Variants in INTS7 observed in about 807,000 individuals in gnomAD.
INTS7 encodes the protein integrator complex subunit 7.
Under a neutral mutation model 109.2 loss-of-function variants are expected in INTS7, and 46 were observed. The ratio of observed to expected loss-of-function variants is 0.42; its 90% CI spans 0.33 to 0.54. The LOEUF is 0.54. INTS7 is among the 20% of genes least tolerant of loss of function. The pLI, the probability that INTS7 is intolerant of heterozygous loss-of-function variation, is 0.07. For missense variants in INTS7, 929 were observed against 1,132.4 expected (o/e 0.82, Z 2.58); for synonymous variants, 412 against 402.9 (o/e 1.02, Z -0.27).
intron 1 of INTS7, among the ~76,000 whole-genome samples, chr1:212,021,847 C>CA (rs1317389561): frequency 4.0e-5 from 6 of 151,616 alleles, no homozygotes; most frequent in African/African-American, 1.2e-4. Context: ...GACCCCATCT[C>CA]AAAAAAAATT....
At chr1:211,979,762 TCAAA>T (rs1664572290) in intron 10 of INTS7, among the ~76,000 whole-genome samples, 1 of 152,210 alleles carries the variant, frequency 6.6e-6, no homozygotes, top group Admixed American at 6.5e-5. Context: ...GTCATTGGGC[TCAAA>T]CAATCTTTCC....
intron 16 of INTS7, 71 bp downstream of exon 16, chr1:211,966,359 T>C: frequency 1.1e-6 from 1 of 871,860 alleles, no homozygotes; most frequent in Non-Finnish European, 1.9e-6. Context: ...CAAAATAGTC[T>C]TCTGATGATT....
intron 10 of INTS7, among the ~76,000 whole-genome samples, chr1:211,979,490 A>C (rs533810996): frequency 6.6e-6 from 1 of 152,376 alleles, no homozygotes; most frequent in Non-Finnish European, 1.5e-5. Flanking sequence ...AAACAAATGT[A>C]TATATAAGTC....
intron 1 of INTS7, chr1:212,031,020 G>C (rs1667137147): frequency 6.6e-6 from 1 of 152,134 alleles, no homozygotes; most frequent in Non-Finnish European, 1.5e-5. Context: ...TTTTCATTAA[G>C]CACACCATCA....
intron 1 of INTS7, among the ~76,000 whole-genome samples, chr1:212,028,871 T>G (rs1045030905): frequency 3.3e-5 from 5 of 152,174 alleles, no homozygotes; most frequent in African/African-American, 1.2e-4. Flanking sequence ...CTAAGCAATT[T>G]GCGTAAGAAA....
Position 211,976,677 on chromosome 1 carries a change from A to G in INTS7, c.1513T>C (p.Leu505=). ...ATTACTGCCTTACTTTCCACAGACA[A>G]TGCCTTCTGACTTGCAACAAAAATC... ...TVIFVASQKA[L]SVESKAVIKQ... Residue 505 remains leucine, a synonymous_variant, in exon 12 of 20, where the codon TTG becomes CTG. Transcript: ENST00000366994. 1 of 1,613,964 alleles carries G rather than the reference A, an allele frequency of 6.2e-7. No individual in the cohort carries two copies. The highest frequency in any genetic ancestry group is 8.5e-7 in the Non-Finnish European group (1 of 1,179,850).
At chr1:212,026,720 C>T (rs1666939054) in intron 1 of INTS7, among the ~76,000 whole-genome samples, 1 of 152,138 alleles carries the variant, frequency 6.6e-6, no homozygotes, top group East Asian at 1.9e-4. Flanking sequence ...AAAAAATCCA[C>T]AGTAATTGGA....
rs771587547 is a variant in INTS7, at chr1:211,968,714, A to G, written c.1816-7T>C. 2.0e-3 allele frequency: 1,194 copies of G among 610,624 alleles called. No homozygotes were observed. Among genetic ancestry groups the G allele is most frequent in the South Asian group, 6.1e-3 (182 of 29,632 alleles). The allele number at this position is 610,624 out of a possible 1,614,324, so 37.8% of individuals were successfully genotyped here. ...TCAGTGGTGTACTAGCTGCCTGGGA[A>G]AAAAAAAAAAAAGAGATATTTAAGA... On this transcript the variant is annotated splice_region_variant and splice_polypyrimidine_tract_variant and intron_variant, in intron 13 of 19. Transcript: ENST00000366994.
intron 4 of INTS7, among the ~76,000 whole-genome samples, chr1:212,014,138 T>A (rs994250871): frequency 6.6e-6 from 1 of 152,098 alleles, no homozygotes; most frequent in African/African-American, 2.4e-5. Flanking sequence ...ACTTTTTCAG[T>A]AAGAATTCCT....
At chr1:211,956,118 C>T (rs997251863) in intron 16 of INTS7, among the ~76,000 whole-genome samples, 1 of 152,026 alleles carries the variant, frequency 6.6e-6, no homozygotes. Flanking sequence ...TTATTTTTTC[C>T]CTTTTATATA....
At position 212,006,624 on chromosome 1, in the gene INTS7, A is replaced by T; in HGVS notation, c.879+15T>A. 2 of 1,391,386 alleles carry T rather than the reference A, an allele frequency of 1.4e-6. No homozygotes were observed. The highest frequency in any genetic ancestry group is 2.0e-6 in the Non-Finnish European group (2 of 1,021,104). 86.2% of individuals were successfully genotyped at this position (1,391,386 alleles called of 1,614,324 possible). ...TATTATTTTTTCTATATAAAATGTT[A>T]CAAGTTCTACATACCTGAATATTCT... On this transcript the variant is annotated intron_variant, in intron 7 of 19. Transcript: ENST00000366994.
At chr1:211,955,816 G>A (rs1230382027) in intron 16 of INTS7, among the ~76,000 whole-genome samples, 1 of 152,166 alleles carries the variant, frequency 6.6e-6, no homozygotes, top group Non-Finnish European at 1.5e-5. Context: ...ACAGAGCTAG[G>A]AGTGACTGGT....
intron 8 of INTS7, among the ~76,000 whole-genome samples, chr1:211,983,130 C>T (rs1453288443): frequency 6.6e-6 from 1 of 152,140 alleles, no homozygotes; most frequent in Non-Finnish European, 1.5e-5. Context: ...CTGATTAAAA[C>T]AGGTATCATT....
chr1:212,012,577 C>T (rs988723279), intron 4 of INTS7, among the ~76,000 whole-genome samples: 3 of 152,092 alleles, frequency 2.0e-5, no homozygotes, highest in African/African-American at 7.2e-5. Context: ...GCCATGATTG[C>T]GCCACTGCAT....
Position 211,975,289 on chromosome 1 carries a change from A to T in INTS7, c.1692T>A (p.Ser564Arg). 1 of 1,614,028 alleles carries T rather than the reference A, an allele frequency of 6.2e-7. No homozygotes were observed. Reference protein sequence around the residue: ...ASEHFYFWLNSLKEFSHAEQC... With the variant: ...ASEHFYFWLNRLKEFSHAEQC... Reference sequence around the variant, plus strand: ...GTTCTGCATGTGAAAACTCCTTCAAACTATTTAGCCAGAAGTAGAAATGTT... The same window carrying T: ...GTTCTGCATGTGAAAACTCCTTCAATCTATTTAGCCAGAAGTAGAAATGTT... The change falls in exon 13 of 20, where the codon AGT (serine) becomes AGA (arginine). Residue 564 changes from serine to arginine, a missense_variant. Ser to Arg is a moderately radical substitution (Grantham distance 110, BLOSUM62 -1). This residue lies in a region of INTS7 where 787 missense variants were observed against 901.1 expected (regional missense o/e 0.87). Coordinates refer to ENST00000366994, the MANE Select transcript of INTS7 (RefSeq NM_015434.4).
intron 5 of INTS7, among the ~76,000 whole-genome samples, chr1:212,008,084 C>A (rs1427460671): frequency 6.6e-6 from 1 of 152,174 alleles, no homozygotes; most frequent in Non-Finnish European, 1.5e-5. Context: ...CACATACATG[C>A]CACAAGCTAA....
chr1:211,999,542 T>C (rs988007469), intron 7 of INTS7, among the ~76,000 whole-genome samples: 2 of 152,144 alleles, frequency 1.3e-5, no homozygotes, highest in African/African-American at 2.4e-5. Context: ...TTTTGTACAT[T>C]TGTAAAAACT....
chr1:212,006,498 C>G (rs1665915172), intron 7 of INTS7, 141 bp downstream of exon 7: 1 of 368,904 alleles, frequency 2.7e-6, no homozygotes, highest in Non-Finnish European at 4.8e-6. Flanking sequence ...ATAACTGCCA[C>G]AAACATCAAC....
chr1:211,946,704 T>C lies in INTS7; in HGVS notation c.2318A>G (p.His773Arg). The C allele has an allele frequency of 2.5e-6, 4 of 1,598,562 alleles. No homozygotes were observed. The highest frequency in any genetic ancestry group is 3.4e-6 in the Non-Finnish European group (4 of 1,172,036). The change falls in exon 18 of 20, where the codon CAC becomes CGC. Residue 773 changes from histidine to arginine, a missense_variant and splice_region_variant. This residue lies in a region of INTS7 where 787 missense variants were observed against 901.1 expected (regional missense o/e 0.87). Coordinates refer to ENST00000366994, the MANE Select transcript of INTS7 (RefSeq NM_015434.4). This position sits in a 1 kb window ranked among gnomAD's most constrained non-coding sequence, Gnocchi z 4.3. ...NRKYTPVSYM[H>R]TACLCNAIIA... ...GATGGCATTGCAGAGGCATGCTGTG[T>C]GCTGGGGGAAAAAAGAAACTAAATC...
Sources: allele counts gnomAD v4.1 joint callset (sites outside exome capture counted in the v4.1 genomes callset), GRCh38; gene constraint gnomAD v4.1.1; regional missense constraint gnomAD v4.1.1; non-coding constraint Gnocchi (gnomAD v3.1); transcripts MANE v1.5; gene names NCBI Gene and HGNC (gene_info 2026-07-23, HGNC 2026-07-21).